The following SRBD1 variants were observed in gnomAD, a reference collection of about 807,000 sequenced individuals.
SRBD1 encodes S1 RNA binding domain 1.
SRBD1 carries 88 observed loss-of-function variants against 115.3 expected under a neutral mutation model. The ratio of observed to expected loss-of-function variants is 0.76; its 90% CI spans 0.64 to 0.91. The LOEUF (loss-of-function observed/expected upper bound fraction) is 0.91, where lower values mean the gene tolerates loss of function less well. Ranked by LOEUF, SRBD1 falls within the 40% of genes least tolerant of loss-of-function variation. The pLI, the probability that SRBD1 is intolerant of heterozygous loss-of-function variation, is 0.00. For synonymous variants in SRBD1, 509 were observed against 407.7 expected, an observed-to-expected ratio of 1.25 and a Z score of -2.99; for missense variants, 1,385 against 1,177.4, an observed-to-expected ratio of 1.18 and a Z score of -2.58.
At chr2:45,521,973 A>AAAAG (rs755665263) in intron 14 of SRBD1, among the ~76,000 whole-genome samples, 69 of 152,104 alleles carry the variant, frequency 4.5e-4, no homozygotes, top group East Asian at 7.7e-4. Flanking sequence ...ATCTCCCAAA[A>AAAAG]AAAGAAAGAA....
At chr2:45,581,641 C>CA in intron 6 of SRBD1, 52 bp downstream of exon 6, 1 of 1,394,734 alleles carries the variant, frequency 7.2e-7, no homozygotes, top group Non-Finnish European at 9.9e-7. Flanking sequence ...TAAGAAGACC[C>CA]AAATTGCAAT....
intron 14 of SRBD1, among the ~76,000 whole-genome samples, chr2:45,501,881 A>G (rs954866678): frequency 6.6e-5 from 10 of 152,174 alleles, no homozygotes; most frequent in African/African-American, 2.4e-4. Context: ...CAGCCAAACA[A>G]AAGACAGCAG....
At chr2:45,390,947 T>G (rs947458695) in intron 20 of SRBD1, among the ~76,000 whole-genome samples, 3 of 152,166 alleles carry the variant, frequency 2.0e-5, no homozygotes, top group African/African-American at 7.2e-5. Flanking sequence ...CCTACTGTAA[T>G]GTAATATTAC....
chr2:45,416,103 G>C (rs1667824672), intron 18 of SRBD1, among the ~76,000 whole-genome samples: 1 of 152,016 alleles, frequency 6.6e-6, no homozygotes, highest in Admixed American at 6.6e-5. Flanking sequence ...AGAAGAATCA[G>C]AAAGCATGAT....
At chr2:45,479,141 A>G (rs771081815) in intron 15 of SRBD1, among the ~76,000 whole-genome samples, 1 of 152,162 alleles carries the variant, frequency 6.6e-6, no homozygotes, top group African/African-American at 2.4e-5. Context: ...TGACTGCTCC[A>G]CCAACTGGCT....
At chr2:45,435,606 G>C (rs1034133239) in intron 16 of SRBD1, among the ~76,000 whole-genome samples, 2 of 149,932 alleles carry the variant, frequency 1.3e-5, no homozygotes, top group African/African-American at 2.4e-5. Flanking sequence ...TGAGTTGGCA[G>C]CTACCCAGAG....
chr2:45,583,540 T>C (rs1041780135), intron 5 of SRBD1, among the ~76,000 whole-genome samples: 3 of 152,222 alleles, frequency 2.0e-5, no homozygotes, highest in South Asian at 2.1e-4. Context: ...TACATACATA[T>C]AGATGCTACA....
chr2:45,528,516 G>A (rs371310012), intron 14 of SRBD1, among the ~76,000 whole-genome samples: 1 of 151,788 alleles, frequency 6.6e-6, no homozygotes, highest in East Asian at 1.9e-4. Context: ...ATAAAAAATA[G>A]GTTTGGGAGC....
chr2:45,442,723 C>A lies in SRBD1; in HGVS notation c.2050-22829G>T, dbSNP rs192962332. Among the ~76,000 whole-genome samples the A allele has an allele frequency of 4.6e-4, 70 of 152,278 alleles. No homozygotes were observed. The East Asian group carries it at 0.011, about 24-fold the overall frequency. Reference sequence around the variant, plus strand: ...TATTGGAGTAAATCTCAGCTTAGAACTGACAGTTTATTTTAAGTAAGTTTG... The same window carrying A: ...TATTGGAGTAAATCTCAGCTTAGAAATGACAGTTTATTTTAAGTAAGTTTG... On this transcript the variant is annotated intron_variant, in intron 16 of 20. Coordinates refer to ENST00000263736, the MANE Select transcript of SRBD1 (RefSeq NM_018079.5).
chr2:45,571,252 G>C (rs1476144578), intron 9 of SRBD1, among the ~76,000 whole-genome samples: 1 of 152,006 alleles, frequency 6.6e-6, no homozygotes, highest in Non-Finnish European at 1.5e-5. Flanking sequence ...TTTTCTTTTA[G>C]GGGATTTTTT....
At chr2:45,512,270 A>G (rs749688596) in intron 14 of SRBD1, among the ~76,000 whole-genome samples, 1 of 152,214 alleles carries the variant, frequency 6.6e-6, no homozygotes, top group Admixed American at 6.5e-5. Context: ...TGTTTTACCT[A>G]TAGACCATAC....
intron 15 of SRBD1, among the ~76,000 whole-genome samples, chr2:45,481,032 T>C (rs1349868683): frequency 1.3e-5 from 2 of 152,108 alleles, no homozygotes; most frequent in Non-Finnish European, 2.9e-5. Flanking sequence ...TCAGCAACCA[T>C]GAACATCAAG....
intron 9 of SRBD1, chr2:45,567,938 A>T (rs1672886054): frequency 1.3e-5 from 2 of 152,348 alleles, no homozygotes; most frequent in South Asian, 4.1e-4. Flanking sequence ...AAACTTACAA[A>T]AAATCCTGAC....
intron 14 of SRBD1, among the ~76,000 whole-genome samples, chr2:45,494,931 GTTTTT>G (rs1397688077): frequency 1.3e-5 from 2 of 152,050 alleles, no homozygotes; most frequent in African/African-American, 2.4e-5. Context: ...TTTTGTTTTT[GTTTTT>G]TTAAGTTTGT....
At chr2:45,418,105 C>G (rs982575106) in intron 18 of SRBD1, among the ~76,000 whole-genome samples, 1 of 152,160 alleles carries the variant, frequency 6.6e-6, no homozygotes. Flanking sequence ...GCACTTCTTG[C>G]CATCTGAAAG....
At chr2:45,563,949 T>C (rs576651609) in intron 9 of SRBD1, among the ~76,000 whole-genome samples, 62 of 152,290 alleles carry the variant, frequency 4.1e-4, no homozygotes, top group African/African-American at 1.5e-3. Context: ...TATATTTCTA[T>C]GAGGCCAGTA....
chr2:45,574,799 G>C, intron 7 of SRBD1, 76 bp from the exon 8 acceptor site: 1 of 1,252,092 alleles, frequency 8.0e-7, no homozygotes, highest in Non-Finnish European at 1.1e-6. Flanking sequence ...CTAAATCACA[G>C]TAAATTAATT....
At chr2:45,580,108 A>G in intron 6 of SRBD1, 95 bp from the exon 7 acceptor site, 1 of 1,064,524 alleles carries the variant, frequency 9.4e-7, no homozygotes. Flanking sequence ...AGAATGCTAA[A>G]GAAATCCTTT....
chr2:45,407,205 T>C (rs1157391681), intron 19 of SRBD1, among the ~76,000 whole-genome samples: 1 of 152,206 alleles, frequency 6.6e-6, no homozygotes, highest in African/African-American at 2.4e-5. Context: ...AACATGATGA[T>C]GCTTCTAACA....
Sources: gnomAD v4.1 joint callset for allele counts (sites outside exome capture counted in the v4.1 genomes callset) on GRCh38, gnomAD v4.1.1 for gene constraint, MANE v1.5 for transcripts, NCBI Gene and HGNC (gene_info 2026-07-23, HGNC 2026-07-21) for gene names.